Variants in ZRANB3 observed in about 807,000 individuals in gnomAD.
ZRANB3 encodes the protein DNA annealing helicase and endonuclease ZRANB3.
ZRANB3 carries 125 observed loss-of-function variants against 133.8 expected under a neutral mutation model. That is an observed-to-expected ratio of 0.93 (90% CI 0.81 to 1.08). The LOEUF (loss-of-function observed/expected upper bound fraction) is 1.08, where lower values mean the gene tolerates loss of function less well. Among genes scored for constraint, ZRANB3 ranks in the 50% least tolerant of loss-of-function variants. The pLI, the probability that ZRANB3 is intolerant of heterozygous loss-of-function variation, is 0.00. For synonymous variants in ZRANB3, 387 were observed against 432.7 expected (o/e 0.89, Z 1.31); for missense variants, 1,229 against 1,275.5 (o/e 0.96, Z 0.56).
intron 14 of ZRANB3, 42 bp from the exon 15 acceptor site, chr2:135,224,559 C>G (rs981520389): frequency 4.1e-6 from 6 of 1,459,872 alleles, no homozygotes; most frequent in South Asian, 1.2e-5. Flanking sequence ...CTTATCTACC[C>G]TCTATCTAAA....
At chr2:135,413,683 T>G (rs1372847182) in intron 2 of ZRANB3, among the ~76,000 whole-genome samples, 1 of 152,096 alleles carries the variant, frequency 6.6e-6, no homozygotes, top group Non-Finnish European at 1.5e-5. Context: ...TTTACAGAAA[T>G]GCAACAGACT....
intron 6 of ZRANB3, among the ~76,000 whole-genome samples, chr2:135,343,145 C>T (rs1271842570): frequency 2.1e-5 from 3 of 140,016 alleles, no homozygotes; most frequent in Non-Finnish European, 1.5e-5. Flanking sequence ...GTGACTGTGC[C>T]ACTGCACTCC....
intron 8 of ZRANB3, among the ~76,000 whole-genome samples, chr2:135,292,919 A>T (rs1273618622): frequency 1.3e-5 from 2 of 151,570 alleles, no homozygotes; most frequent in Non-Finnish European, 1.5e-5. Context: ...ATGCGGCATT[A>T]TTTCTGAGGG....
chr2:135,286,050 A>C (rs1472786422), intron 8 of ZRANB3, among the ~76,000 whole-genome samples: 1 of 152,204 alleles, frequency 6.6e-6, no homozygotes, highest in African/African-American at 2.4e-5. Context: ...CATTATTTTA[A>C]AAAATGTTCC....
chr2:135,401,173 G>T (rs1028327253), intron 2 of ZRANB3, among the ~76,000 whole-genome samples: 3 of 151,648 alleles, frequency 2.0e-5, no homozygotes, highest in South Asian at 4.2e-4. Flanking sequence ...GACACATAGG[G>T]GTGCATGCAC....
chr2:135,231,962 C>T (rs968764988), intron 12 of ZRANB3, among the ~76,000 whole-genome samples: 4 of 152,180 alleles, frequency 2.6e-5, no homozygotes, highest in South Asian at 2.1e-4. Flanking sequence ...GTGGGTGCAG[C>T]GCACTGAGCA....
chr2:135,503,458 T>A (rs1287148812), intron 2 of ZRANB3, among the ~76,000 whole-genome samples: 1 of 152,182 alleles, frequency 6.6e-6, no homozygotes, highest in Non-Finnish European at 1.5e-5. Context: ...AATAAAATGT[T>A]GAAGAGAAAG....
intron 3 of ZRANB3, among the ~76,000 whole-genome samples, chr2:135,359,524 A>G (rs1465490204): frequency 6.6e-6 from 1 of 150,904 alleles, no homozygotes; most frequent in South Asian, 2.1e-4. Context: ...TTGAAGCTGT[A>G]GTGTGCCATT....
chr2:135,210,167 A>G (rs1694036657), intron 17 of ZRANB3, among the ~76,000 whole-genome samples: 1 of 152,128 alleles, frequency 6.6e-6, no homozygotes, highest in African/African-American at 2.4e-5. Flanking sequence ...CAGTAACTGG[A>G]GTCTGACTGA....
intron 6 of ZRANB3, among the ~76,000 whole-genome samples, chr2:135,329,193 G>A (rs924508498): frequency 6.6e-6 from 1 of 152,142 alleles, no homozygotes; most frequent in African/African-American, 2.4e-5. Flanking sequence ...ATGGGTTTAG[G>A]TCTAACATGT....
At chr2:135,210,042 T>C (rs1211672161) in intron 17 of ZRANB3, among the ~76,000 whole-genome samples, 1 of 152,172 alleles carries the variant, frequency 6.6e-6, no homozygotes, top group Non-Finnish European at 1.5e-5. Context: ...CATCTTCCTT[T>C]TTCCCCTCCC....
chr2:135,387,217 T>A (rs968966791), intron 3 of ZRANB3, among the ~76,000 whole-genome samples: 4 of 152,162 alleles, frequency 2.6e-5, no homozygotes, highest in African/African-American at 9.6e-5. Flanking sequence ...TTTCACTATT[T>A]GATGAGTCAA....
chr2:135,272,684 T>C (rs916287550), intron 9 of ZRANB3, among the ~76,000 whole-genome samples: 1 of 151,852 alleles, frequency 6.6e-6, no homozygotes, highest in Non-Finnish European at 1.5e-5. Context: ...GGCTGGAAAA[T>C]AGAGCTTTTA....
chr2:135,530,372 G>A (rs1559060379), intron 1 of ZRANB3: 1 of 152,228 alleles, frequency 6.6e-6, no homozygotes. Flanking sequence ...CGCGATTGAA[G>A]GCCGGGGTGG....
chr2:135,327,534 C>A (rs1424537001), intron 6 of ZRANB3, among the ~76,000 whole-genome samples: 2 of 152,026 alleles, frequency 1.3e-5, no homozygotes, highest in South Asian at 4.1e-4. Context: ...TTTATTTAGT[C>A]CATTAATTTA....
At chr2:135,429,258 G>A (rs1014095611) in intron 2 of ZRANB3, among the ~76,000 whole-genome samples, 1 of 152,100 alleles carries the variant, frequency 6.6e-6, no homozygotes, top group African/African-American at 2.4e-5. Context: ...CCTAGAGACC[G>A]TTATCCTAAG....
At chr2:135,433,452 A>G (rs1689402335) in intron 2 of ZRANB3, among the ~76,000 whole-genome samples, 1 of 152,218 alleles carries the variant, frequency 6.6e-6, no homozygotes, top group African/African-American at 2.4e-5. Flanking sequence ...GATCAAAAAT[A>G]GGACACATAG....
At chr2:135,397,756 C>T (rs1348774831) in intron 2 of ZRANB3, among the ~76,000 whole-genome samples, 7 of 152,184 alleles carry the variant, frequency 4.6e-5, no homozygotes, top group Admixed American at 4.6e-4. Flanking sequence ...TTCTGCTACA[C>T]TCTGGAAATG....
In ZRANB3 at chr2:135,327,890, A is replaced by G. The variant is rs545001994; in HGVS notation, c.678-12360T>C. On this transcript the variant is annotated intron_variant, in intron 6 of 20. Coordinates refer to ENST00000264159, the MANE Select transcript of ZRANB3 (RefSeq NM_032143.4). ...GTTACTGATATCAAAAAATGTCCTA[A>G]GATAGTATTGTGATAAAGACATATT... Among the ~76,000 whole-genome samples the G allele has an allele frequency of 3.2e-4, 48 of 152,282 alleles. 1 individual carries two copies. The highest frequency in any genetic ancestry group is 1.1e-3 in the African/African-American group (44 of 41,570).
Sources: allele counts gnomAD v4.1 joint callset (sites outside exome capture counted in the v4.1 genomes callset), GRCh38; gene constraint gnomAD v4.1.1; transcripts MANE v1.5; gene names NCBI Gene and HGNC (gene_info 2026-07-23, HGNC 2026-07-21).